ERICH6: variants seen among roughly 807,000 people sequenced by gnomAD.
ERICH6 encodes glutamate rich 6.
Under a neutral mutation model 71.0 loss-of-function variants are expected in ERICH6, and 71 were observed. The ratio of observed to expected loss-of-function variants is 1.00; its 90% CI spans 0.83 to 1.22. ERICH6 has a LOEUF of 1.22. Ranked by LOEUF, ERICH6 falls within the 50% of genes most tolerant of loss-of-function variation. The probability of loss-of-function intolerance (pLI) is 0.00; values close to 1 mark genes in which losing one functional copy is unlikely to be tolerated. For missense variants in ERICH6, 808 were observed against 797.2 expected (o/e 1.01, Z -0.16); for synonymous variants, 262 against 278.4 (o/e 0.94, Z 0.59).
chr3:150,674,429 G>T (rs182317308), intron 10 of ERICH6, among the ~76,000 whole-genome samples: 3 of 152,076 alleles, frequency 2.0e-5, no homozygotes, highest in Admixed American at 2.0e-4. Flanking sequence ...ACTCTATTAT[G>T]CATATGGATT....
At chr3:150,665,439 C>T (rs903676101) in intron 13 of ERICH6, among the ~76,000 whole-genome samples, 4 of 141,020 alleles carry the variant, frequency 2.8e-5, no homozygotes, top group African/African-American at 1.1e-4. Flanking sequence ...ATCGCTTGAA[C>T]CCGGGAGGCG....
intron 10 of ERICH6, among the ~76,000 whole-genome samples, chr3:150,675,439 C>T (rs554359736): frequency 3.3e-4 from 51 of 152,266 alleles, no homozygotes; most frequent in Non-Finnish European, 5.4e-4. Context: ...ACTTCCACCC[C>T]CTGGGTTCAA....
intron 3 of ERICH6, among the ~76,000 whole-genome samples, chr3:150,691,504 T>C (rs1712427689): frequency 6.6e-6 from 1 of 152,088 alleles, no homozygotes; most frequent in African/African-American, 2.4e-5. Flanking sequence ...ATAATTTCAA[T>C]GAGAAAGAAA....
chr3:150,666,954 A>G lies in ERICH6; in HGVS notation c.1561T>C (p.Trp521Arg). 1.2e-6 allele frequency: 2 copies of G among 1,614,186 alleles called. No homozygotes were observed. The highest frequency in any genetic ancestry group is 1.7e-6 in the Non-Finnish European group (2 of 1,180,026). Residue 521 changes from tryptophan to arginine, a missense_variant, in exon 13 of 14, where the codon TGG (tryptophan) becomes CGG (arginine). Trp to Arg is a moderately radical substitution (Grantham distance 101, BLOSUM62 -3). This residue lies in a region of ERICH6 where 736 missense variants were observed against 712.2 expected (regional missense o/e 1.03). Transcript: ENST00000295910. ...SDQAGNRIRA[W>R]NWSNSITSSP... ...GAAGTGATGGAATTTGACCAATTCC[A>G]AGCCCTTATTCTGTTGCCGGCTTGA...
intron 9 of ERICH6, among the ~76,000 whole-genome samples, chr3:150,679,847 G>A (rs972086198): frequency 6.6e-6 from 1 of 151,998 alleles, no homozygotes; most frequent in East Asian, 1.9e-4. Flanking sequence ...TAGTAGAGAT[G>A]GGGTTTCACT....
chr3:150,686,209 A>G (rs2108065733), intron 4 of ERICH6, 89 bp downstream of exon 4: 2 of 1,472,294 alleles, frequency 1.4e-6, no homozygotes, highest in South Asian at 2.3e-5. Context: ...CCTTTTTCAA[A>G]GCAGATGGGC....
chr3:150,679,087 GC>G (rs200319892), intron 9 of ERICH6, among the ~76,000 whole-genome samples: 2,560 of 150,734 alleles, frequency 0.017, 27 homozygotes, highest in Non-Finnish European at 0.026. Flanking sequence ...AAACTTTCTG[GC>G]CTTAGTTCTA....
At chr3:150,678,341 G>T in intron 10 of ERICH6, 68 bp downstream of exon 10, 1 of 1,449,872 alleles carries the variant, frequency 6.9e-7, no homozygotes, top group South Asian at 1.5e-5. Context: ...CTTCATGAAA[G>T]ACTTTATAAT....
chr3:150,692,009 A>G (rs1224052181), intron 3 of ERICH6, among the ~76,000 whole-genome samples: 2 of 152,182 alleles, frequency 1.3e-5, no homozygotes, highest in East Asian at 3.8e-4. Context: ...GTAAGAGCCA[A>G]TTTTGAGGGA....
intron 13 of ERICH6, among the ~76,000 whole-genome samples, chr3:150,666,324 A>G (rs542839807): frequency 3.9e-5 from 6 of 152,308 alleles, no homozygotes; most frequent in Admixed American, 3.3e-4. Context: ...GCAAGTACAC[A>G]GAAAACCCAC....
chr3:150,666,978 G>C lies in ERICH6; in HGVS notation c.1537C>G (p.Gln513Glu). 1 of 1,614,130 alleles carries C rather than the reference G, an allele frequency of 6.2e-7. No homozygotes were observed. Among genetic ancestry groups the C allele is most frequent in the Non-Finnish European group, 8.5e-7 (1 of 1,180,030 alleles). The change falls in exon 13 of 14, where the codon CAA (glutamine) becomes GAA (glutamate). Residue 513 changes from glutamine to glutamate, a missense_variant. Gln to Glu is a conservative substitution (Grantham distance 29). This residue lies in a region of ERICH6 where 736 missense variants were observed against 712.2 expected (regional missense o/e 1.03). Transcript: ENST00000295910. ...CAAGCCCTTATTCTGTTGCCGGCTTGATCTGAATATTGACCTCCCAAGATA... is the reference window on the plus strand; with the variant it reads ...CAAGCCCTTATTCTGTTGCCGGCTTCATCTGAATATTGACCTCCCAAGATA... ...INILGGQYSD[Q>E]AGNRIRAWNW...
rs1368917589 is a variant in ERICH6, at chr3:150,686,282, C to T, written c.610+16G>A. 3.7e-6 allele frequency: 6 copies of T among 1,613,358 alleles called. No individual in the cohort carries two copies. The highest frequency in any genetic ancestry group is 3.3e-4 in the Middle Eastern group (2 of 6,080). On this transcript the variant is annotated intron_variant, in intron 4 of 13. Transcript: ENST00000295910. ...CCTTTGCCAGCAAAAGGAGATGATG[C>T]CAAACATGTATTTACCTCTTAACTT...
At chr3:150,682,180 T>C in intron 7 of ERICH6, 38 bp downstream of exon 7, 1 of 1,493,386 alleles carries the variant, frequency 6.7e-7, no homozygotes, top group Non-Finnish European at 9.3e-7. Context: ...TGTTTAAAGA[T>C]AATACTATTT....
chr3:150,662,546 C>T (rs1172519819), intron 13 of ERICH6, among the ~76,000 whole-genome samples: 1 of 152,076 alleles, frequency 6.6e-6, no homozygotes, highest in East Asian at 1.9e-4. Context: ...AAGAAAATAT[C>T]AATATATTCT....
intron 10 of ERICH6, among the ~76,000 whole-genome samples, chr3:150,674,617 C>T (rs932758627): frequency 2.0e-5 from 3 of 152,092 alleles, no homozygotes; most frequent in Admixed American, 1.3e-4. Context: ...TCAAGACTTC[C>T]CTTCCCCCAA....
chr3:150,695,628 A>C, intron 3 of ERICH6, among the ~76,000 whole-genome samples: 1 of 152,048 alleles, frequency 6.6e-6, no homozygotes, highest in Non-Finnish European at 1.5e-5. Context: ...AGATCGCGCC[A>C]CTCCACTCCA....
chr3:150,686,161 C>T (rs529899172), intron 4 of ERICH6, 137 bp downstream of exon 4: 34 of 1,220,478 alleles, frequency 2.8e-5, no homozygotes, highest in Middle Eastern at 3.8e-4. Flanking sequence ...TGATCCCTGA[C>T]GTTTTCGCCA....
At chr3:150,670,413 C>T (rs1048521714) in intron 11 of ERICH6, among the ~76,000 whole-genome samples, 3 of 138,552 alleles carry the variant, frequency 2.2e-5, no homozygotes, top group African/African-American at 5.5e-5. Context: ...ACCTGGGAGG[C>T]GGAGGTTGCA....
At chr3:150,685,617 A>G (rs1313077307) in intron 6 of ERICH6, 125 bp downstream of exon 6, 1 of 797,966 alleles carries the variant, frequency 1.3e-6, no homozygotes, top group East Asian at 2.6e-5. Context: ...TATTCTAAGT[A>G]ATTGAGCTCT....
Sources: gnomAD v4.1 joint callset for allele counts (sites outside exome capture counted in the v4.1 genomes callset) on GRCh38, gnomAD v4.1.1 for gene constraint, gnomAD v4.1.1 regional missense constraint, MANE v1.5 for transcripts, NCBI Gene and HGNC (gene_info 2026-07-23, HGNC 2026-07-21) for gene names.